The following TOMM40 variants were observed in gnomAD, a reference collection of about 807,000 sequenced individuals.
TOMM40 encodes translocase of outer mitochondrial membrane 40, also known as mitochondrial import receptor subunit TOM40 homolog.
TOMM40 carries 9 observed loss-of-function variants against 38.4 expected under a neutral mutation model. That is an observed-to-expected ratio of 0.23 (90% CI 0.14 to 0.41). The LOEUF (loss-of-function observed/expected upper bound fraction) is 0.41, where lower values mean the gene tolerates loss of function less well. TOMM40 is among the 10% of genes least tolerant of loss of function. TOMM40 has a pLI of 1.00. For missense variants in TOMM40, 299 were observed against 486.5 expected (o/e 0.61, Z 3.63); for synonymous variants, 184 against 210.0 (o/e 0.88, Z 1.07).
At chr19:44,895,688 A>C (rs1454548285) in intron 5 of TOMM40, among the ~76,000 whole-genome samples, 1 of 152,028 alleles carries the variant, frequency 6.6e-6, no homozygotes, top group Non-Finnish European at 1.5e-5. Flanking sequence ...CTGGGACTAC[A>C]GGCGCGCGCC....
intron 5 of TOMM40, among the ~76,000 whole-genome samples, chr19:44,898,279 G>A (rs1969605953): frequency 6.6e-6 from 1 of 152,240 alleles, no homozygotes; most frequent in South Asian, 2.1e-4. Context: ...CCCCTAGTCT[G>A]CCCCTCTGGT....
intron 5 of TOMM40, among the ~76,000 whole-genome samples, chr19:44,898,130 T>C (rs1481737096): frequency 6.6e-6 from 1 of 151,930 alleles, no homozygotes; most frequent in Non-Finnish European, 1.5e-5. Flanking sequence ...ATCTTGGGGG[T>C]TGCCGCCTAA....
intron 5 of TOMM40, among the ~76,000 whole-genome samples, chr19:44,898,994 T>G (rs1969624754): frequency 6.6e-6 from 1 of 151,094 alleles, no homozygotes; most frequent in Admixed American, 6.6e-5. Context: ...TAGCCAGGCA[T>G]GGTGGCGGGC....
chr19:44,901,136 CAG>C, intron 7 of TOMM40, 32 bp downstream of exon 7: 1 of 1,613,938 alleles, frequency 6.2e-7, no homozygotes, highest in Non-Finnish European at 8.5e-7. Flanking sequence ...CTGGTGCTGC[CAG>C]GGGCTGCTGG....
chr19:44,899,465 C>T (rs905304738), intron 5 of TOMM40, among the ~76,000 whole-genome samples: 1 of 152,084 alleles, frequency 6.6e-6, no homozygotes, highest in Non-Finnish European at 1.5e-5. Flanking sequence ...CCCTTAGTAC[C>T]TGGGACTACA....
At chr19:44,898,149 C>T (rs1969603150) in intron 5 of TOMM40, among the ~76,000 whole-genome samples, 1 of 152,164 alleles carries the variant, frequency 6.6e-6, no homozygotes, top group Non-Finnish European at 1.5e-5. Context: ...AACACTCAGC[C>T]CCTCTGAGAG....
chr19:44,896,742 A>G (rs1334391803), intron 5 of TOMM40, among the ~76,000 whole-genome samples: 1 of 152,108 alleles, frequency 6.6e-6, no homozygotes, highest in Non-Finnish European at 1.5e-5. Flanking sequence ...AGTGACCGAG[A>G]CAGCCCATTC....
Position 44,903,085 on chromosome 19 carries a change from C to T in TOMM40, c.1002C>T (p.Pro334=). 6.2e-7 allele frequency: 1 copy of T among 1,612,884 alleles called. No individual in the cohort carries two copies. The highest frequency in any genetic ancestry group is 8.5e-7 in the Non-Finnish European group (1 of 1,179,994). ...CCACGCTGGAGAAGAAGCTCCCACC[C>T]CTGCCCCTGACACTGGCCCTTGGGG... ...VGATLEKKLP[P]LPLTLALGAF... Residue 334 remains proline (P), a synonymous_variant, in exon 9 of 9, where the codon CCC becomes CCT. Coordinates refer to ENST00000426677, the MANE Select transcript of TOMM40 (RefSeq NM_001128917.2).
chr19:44,895,893 C>G (rs1353181725), intron 5 of TOMM40, among the ~76,000 whole-genome samples: 2 of 152,164 alleles, frequency 1.3e-5, no homozygotes, highest in Non-Finnish European at 2.9e-5. Context: ...CGAGTTGGTT[C>G]TACCCCAGGA....
Position 44,893,015 on chromosome 19 carries a change from A to G in TOMM40, c.435+86A>G, listed in dbSNP as rs544682684. ...TCAAGCTAAGACGGCCTCATCAGGA[A>G]AAGGTCACAGCTACCGAGAGCCTGG... On this transcript the variant is annotated intron_variant, in intron 3 of 8. Coordinates refer to ENST00000426677, the MANE Select transcript of TOMM40 (RefSeq NM_001128917.2). 3.7e-4 allele frequency: 426 copies of G among 1,145,452 alleles called. 3 individuals are homozygous for G. Among genetic ancestry groups the G allele is most frequent in the Admixed American group, 2.1e-3 (96 of 46,042 alleles). The allele number at this position is 1,145,452 out of a possible 1,614,324, so 71.0% of individuals were successfully genotyped here.
chr19:44,897,748 T>C (rs1599941283), intron 5 of TOMM40, among the ~76,000 whole-genome samples: 1 of 142,714 alleles, frequency 7.0e-6, no homozygotes, highest in Admixed American at 7.1e-5. Context: ...CACTCCAGCC[T>C]GGGCAACAAG....
chr19:44,893,972 G>T lies in TOMM40; in HGVS notation c.549G>T (p.Ser183=). The T allele has an allele frequency of 1.3e-6, 2 of 1,559,938 alleles. No individual in the cohort carries two copies. Among genetic ancestry groups the T allele is most frequent in the Admixed American group, 1.9e-5 (1 of 53,950 alleles). Residue 183 remains serine, a synonymous_variant, in exon 5 of 9, where the codon TCG becomes TCT. Coordinates refer to ENST00000426677, the MANE Select transcript of TOMM40 (RefSeq NM_001128917.2). ...CCTCCTCTCCACAGACCCAGCAGTCGAAGTTTGTGAACTGGCAGGTGGACG... is the reference window on the plus strand; with the variant it reads ...CCTCCTCTCCACAGACCCAGCAGTCTAAGTTTGTGAACTGGCAGGTGGACG... ...RSKMAIQTQQ[S]KFVNWQVDGE... is the part of the protein sequence containing the mutation.
At chr19:44,896,916 T>G (rs1033438769) in intron 5 of TOMM40, among the ~76,000 whole-genome samples, 15 of 152,222 alleles carry the variant, frequency 9.9e-5, no homozygotes, top group Middle Eastern at 3.4e-3. Flanking sequence ...ATTAGGCATA[T>G]GGTGGTACAT....
Position 44,903,372 on chromosome 19 carries a change from A to T in TOMM40, c.*203A>T, listed in dbSNP as rs1969721126. ...ATGGCGCTTCGGGATTCTGAGTAGC[A>T]GGGGCAGCATGCCCAGTGGGCCTGG... is the stretch of plus-strand genomic sequence containing the variant. On this transcript the variant is annotated 3_prime_UTR_variant, in exon 9 of 9. Transcript: ENST00000426677. 3.6e-6 allele frequency: 2 copies of T among 556,954 alleles called. No individual in the cohort carries two copies. Among genetic ancestry groups the T allele is most frequent in the Admixed American group, 7.6e-5 (2 of 26,408 alleles). 34.5% of individuals were successfully genotyped at this position (556,954 alleles called of 1,614,324 possible).
At chr19:44,893,759 T>TC (rs1969511555) in intron 3 of TOMM40, 21 bp from the exon 4 acceptor site, 1 of 1,608,598 alleles carries the variant, frequency 6.2e-7, no homozygotes, top group African/African-American at 1.3e-5. Flanking sequence ...TCTGACCCCT[T>TC]CCGTTCTCTC....
intron 5 of TOMM40, among the ~76,000 whole-genome samples, chr19:44,899,064 T>C (rs1248742949): frequency 2.2e-5 from 3 of 136,048 alleles, no homozygotes; most frequent in Admixed American, 7.8e-5. Context: ...ACCCGGGAGG[T>C]GGAGCTTGCA....
chr19:44,898,111 A>G (rs1433987190), intron 5 of TOMM40, among the ~76,000 whole-genome samples: 1 of 149,776 alleles, frequency 6.7e-6, no homozygotes, highest in African/African-American at 2.5e-5. Flanking sequence ...TCTCACACCC[A>G]CCAGGCTCAT....
intron 6 of TOMM40, 77 bp downstream of exon 6, chr19:44,900,929 A>G (rs544620166): frequency 1.2e-6 from 2 of 1,609,364 alleles, no homozygotes; most frequent in Non-Finnish European, 1.7e-6. Flanking sequence ...AGGACGGGCT[A>G]GGGCCCTGGA....
rs1416276895 is a variant in TOMM40, at chr19:44,901,375, T to G, written c.946+65T>G. On this transcript the variant is annotated intron_variant, in intron 8 of 8. Coordinates refer to ENST00000426677, the MANE Select transcript of TOMM40 (RefSeq NM_001128917.2). ...GGTGACTCAACTCTGAGTGGATGTG[T>G]GGGCCACCACAGGTGCTGGAGGACA... The G allele has an allele frequency of 2.6e-6, 4 of 1,564,960 alleles. No individual in the cohort carries two copies. The African/African-American group carries it at 5.4e-5, about 21-fold the overall frequency.
Sources: gnomAD v4.1 joint callset for allele counts (sites outside exome capture counted in the v4.1 genomes callset) on GRCh38, gnomAD v4.1.1 for gene constraint, MANE v1.5 for transcripts, NCBI Gene and HGNC (gene_info 2026-07-23, HGNC 2026-07-21) for gene names.